Variants in STPG2 observed in about 807,000 individuals in gnomAD.
STPG2 encodes sperm-tail PG-rich repeat-containing protein 2.
In STPG2, 56 loss-of-function variants were observed where a neutral mutation model predicts 54.2. That is an observed-to-expected ratio of 1.03 (90% CI 0.83 to 1.29). The LOEUF (loss-of-function observed/expected upper bound fraction) is 1.29, where lower values mean the gene tolerates loss of function less well. Ranked by LOEUF, STPG2 falls within the 50% of genes most tolerant of loss-of-function variation. STPG2 has a pLI of 0.00. For synonymous variants in STPG2, 200 were observed against 181.8 expected, an observed-to-expected ratio of 1.10 and a Z score of -0.81; for missense variants, 596 against 544.9, an observed-to-expected ratio of 1.09 and a Z score of -0.93.
chr4:97,710,329 T>C (rs1212531861), intron 10 of STPG2, among the ~76,000 whole-genome samples: 1 of 151,970 alleles, frequency 6.6e-6, no homozygotes, highest in Non-Finnish European at 1.5e-5. Context: ...GAACTAAATC[T>C]ACCTGGGGAA....
At chr4:98,120,223 G>T (rs1184046791) in intron 3 of STPG2, among the ~76,000 whole-genome samples, 1 of 152,076 alleles carries the variant, frequency 6.6e-6, no homozygotes, top group East Asian at 1.9e-4. Context: ...TGGGACTACA[G>T]GTGCATGGTA....
intron 7 of STPG2, among the ~76,000 whole-genome samples, chr4:97,947,238 G>C (rs755201019): frequency 1.9e-4 from 29 of 152,120 alleles, no homozygotes; most frequent in Non-Finnish European, 3.4e-4. Context: ...TTTGTAACCT[G>C]AGACATTACT....
intron 5 of STPG2, among the ~76,000 whole-genome samples, chr4:98,043,703 C>A (rs1737035146): frequency 6.6e-6 from 1 of 151,808 alleles, no homozygotes; most frequent in Non-Finnish European, 1.5e-5. Flanking sequence ...CATCTTTTTT[C>A]TTTAATAAAA....
chr4:97,738,774 C>G (rs1371284105), intron 9 of STPG2, among the ~76,000 whole-genome samples: 7 of 151,810 alleles, frequency 4.6e-5, no homozygotes, highest in African/African-American at 9.7e-5. Flanking sequence ...GAGACTTTAA[C>G]ACCCCACTGT....
intron 8 of STPG2, among the ~76,000 whole-genome samples, chr4:97,881,677 A>T (rs765024218): frequency 1.3e-5 from 2 of 152,164 alleles, no homozygotes; most frequent in Non-Finnish European, 2.9e-5. Context: ...TTAGACTAAA[A>T]TATTTCCTAC....
chr4:97,716,312 C>G (rs957498546), intron 9 of STPG2, among the ~76,000 whole-genome samples: 1 of 151,990 alleles, frequency 6.6e-6, no homozygotes, highest in African/African-American at 2.4e-5. Flanking sequence ...GATCTAGAAC[C>G]AGAAATACCA....
intron 3 of STPG2, among the ~76,000 whole-genome samples, chr4:98,124,155 T>G (rs1418406366): frequency 2.0e-5 from 3 of 152,204 alleles, no homozygotes; most frequent in Non-Finnish European, 4.4e-5. Context: ...TGTCTTTTAT[T>G]GGGGCATTTA....
chr4:98,018,576 C>T (rs1019408545), intron 5 of STPG2, among the ~76,000 whole-genome samples: 3 of 152,128 alleles, frequency 2.0e-5, no homozygotes, highest in Non-Finnish European at 2.9e-5. Context: ...AGATCTAGAT[C>T]CCTGAGGAAT....
intron 9 of STPG2, among the ~76,000 whole-genome samples, chr4:97,734,738 G>A (rs531138059): frequency 1.2e-4 from 19 of 152,192 alleles, no homozygotes; most frequent in African/African-American, 3.1e-4. Context: ...AGAAGAGGCA[G>A]TAAAAGCAAA....
chr4:97,982,927 AT>A (rs1734724595), intron 5 of STPG2, among the ~76,000 whole-genome samples: 1 of 152,146 alleles, frequency 6.6e-6, no homozygotes, highest in East Asian at 1.9e-4. Context: ...TTTTGATCAA[AT>A]TCAACACTGC....
chr4:98,064,094 T>C (rs1426422108), intron 5 of STPG2, among the ~76,000 whole-genome samples: 2 of 152,168 alleles, frequency 1.3e-5, no homozygotes, highest in African/African-American at 4.8e-5. Context: ...TTAAATTGAA[T>C]ATTCTAGGAA....
At chr4:97,748,896 A>G (rs535954550) in intron 9 of STPG2, among the ~76,000 whole-genome samples, 6 of 151,632 alleles carry the variant, frequency 4.0e-5, no homozygotes, top group Middle Eastern at 3.4e-3. Flanking sequence ...GAGTTTGCCA[A>G]CTCCTGGAGA....
At position 97,839,681 on chromosome 4, in the gene STPG2, A is replaced by C. The variant is rs1265064528; in HGVS notation, c.1204+1092T>G. ...TGGTGTAATAACTCAAGAGAAGAAA[A>C]AGAAAATAAAAAGTGAAATTTCAAC... On this transcript the variant is annotated intron_variant, in intron 9 of 10. Transcript: ENST00000295268. Among the ~76,000 whole-genome samples, 10 of 151,586 alleles carry C rather than the reference A, an allele frequency of 6.6e-5. 1 individual carries two copies. In the Admixed American group the frequency reaches 6.6e-4, roughly 10 times the overall value.
chr4:98,018,264 G>T (rs1048553759), intron 5 of STPG2, among the ~76,000 whole-genome samples: 12 of 151,884 alleles, frequency 7.9e-5, no homozygotes, highest in African/African-American at 2.4e-4. Context: ...GAGAACATGC[G>T]GTGTTTGGTT....
rs1272941404 is a variant in STPG2, at chr4:98,143,219, A to T, written c.-69T>A. ...AAACGATAAAAACAAGGTAGCTAGAAGTGTGGAGAAAAAGGAAGCCGACAC... is the reference window on the plus strand; with the variant it reads ...AAACGATAAAAACAAGGTAGCTAGATGTGTGGAGAAAAAGGAAGCCGACAC... On this transcript the variant is annotated 5_prime_UTR_variant, in exon 1 of 11. Transcript: ENST00000295268. 1 of 1,262,218 alleles carries T rather than the reference A, an allele frequency of 7.9e-7. No individual in the cohort carries two copies. 78.2% of individuals were successfully genotyped at this position (1,262,218 alleles called of 1,614,324 possible).
chr4:97,765,307 T>C (rs935738912), intron 9 of STPG2, among the ~76,000 whole-genome samples: 1 of 152,114 alleles, frequency 6.6e-6, no homozygotes, highest in Non-Finnish European at 1.5e-5. Flanking sequence ...CTGAGAAAGA[T>C]AGGGCATGTT....
chr4:97,504,956 G>C (rs1327266059), intron 4 of STPG2, among the ~76,000 whole-genome samples: 1 of 151,898 alleles, frequency 6.6e-6, no homozygotes, highest in South Asian at 2.1e-4. Flanking sequence ...TAGGAATTAG[G>C]CTTGCCCAAA....
intron 3 of STPG2, among the ~76,000 whole-genome samples, chr4:98,127,478 T>A (rs886394984): frequency 2.0e-5 from 3 of 152,210 alleles, no homozygotes; most frequent in African/African-American, 7.2e-5. Flanking sequence ...TATAGAATAC[T>A]GGGAATAAAG....
At chr4:97,631,682 T>G (rs997793645) in intron 10 of STPG2, among the ~76,000 whole-genome samples, 2 of 151,994 alleles carry the variant, frequency 1.3e-5, no homozygotes, top group African/African-American at 4.8e-5. Flanking sequence ...CTAAATGCTC[T>G]CACAGCCACC....
Sources: allele counts gnomAD v4.1 joint callset (sites outside exome capture counted in the v4.1 genomes callset), GRCh38; gene constraint gnomAD v4.1.1; transcripts MANE v1.5; gene names NCBI Gene and HGNC (gene_info 2026-07-23, HGNC 2026-07-21).